The following PLXDC2 variants were observed in gnomAD, a reference collection of about 807,000 sequenced individuals.
The protein encoded by PLXDC2 is plexin domain-containing protein 2.
Under a neutral mutation model 68.9 loss-of-function variants are expected in PLXDC2, and 40 were observed. That is an observed-to-expected ratio of 0.58 (90% CI 0.45 to 0.76). The LOEUF (loss-of-function observed/expected upper bound fraction) is 0.76, where lower values mean the gene tolerates loss of function less well. Ranked by LOEUF, PLXDC2 falls within the 30% of genes least tolerant of loss-of-function variation. The pLI is 0.00. For synonymous variants in PLXDC2, 243 were observed against 234.2 expected (o/e 1.04, Z -0.34); for missense variants, 644 against 661.9 (o/e 0.97, Z 0.30).
intron 4 of PLXDC2, among the ~76,000 whole-genome samples, chr10:20,104,403 T>C (rs1032544367): frequency 1.3e-5 from 2 of 152,208 alleles, no homozygotes; most frequent in African/African-American, 4.8e-5. Context: ...CTACGTTCTT[T>C]AGGAATTTTC....
At chr10:19,998,661 A>G (rs571677964) in intron 1 of PLXDC2, among the ~76,000 whole-genome samples, 18 of 152,340 alleles carry the variant, frequency 1.2e-4, no homozygotes, top group African/African-American at 4.3e-4. Context: ...AAACACAATT[A>G]GAGCAAGCAA....
At chr10:19,940,445 T>C (rs1448037919) in intron 1 of PLXDC2, among the ~76,000 whole-genome samples, 1 of 152,134 alleles carries the variant, frequency 6.6e-6, no homozygotes, top group Non-Finnish European at 1.5e-5. Context: ...AAGTATTTTT[T>C]TGAATTATTT....
chr10:20,163,433 T>G (rs1404729267), intron 6 of PLXDC2, among the ~76,000 whole-genome samples: 3 of 152,094 alleles, frequency 2.0e-5, no homozygotes, highest in Non-Finnish European at 2.9e-5. Flanking sequence ...ATATATTCTC[T>G]CCCACTTATT....
chr10:20,205,756 A>G (rs1275214783), intron 9 of PLXDC2, among the ~76,000 whole-genome samples: 1 of 152,110 alleles, frequency 6.6e-6, no homozygotes, highest in African/African-American at 2.4e-5. Flanking sequence ...TTTACTAGAC[A>G]AATACTGAAC....
intron 4 of PLXDC2, among the ~76,000 whole-genome samples, chr10:20,072,527 G>C (rs1836348645): frequency 9.6e-6 from 1 of 104,532 alleles, no homozygotes; most frequent in African/African-American, 7.3e-5. Context: ...AAGAAAGAAA[G>C]AAAGAAAGAA....
At chr10:19,887,097 G>T (rs1837860894) in intron 1 of PLXDC2, among the ~76,000 whole-genome samples, 2 of 152,162 alleles carry the variant, frequency 1.3e-5, no homozygotes, top group Admixed American at 1.3e-4. Flanking sequence ...AAAACCACTA[G>T]TTAGGATATT....
chr10:19,916,128 T>G (rs1833361589), intron 1 of PLXDC2, among the ~76,000 whole-genome samples: 1 of 134,138 alleles, frequency 7.5e-6, no homozygotes, highest in South Asian at 2.2e-4. Flanking sequence ...GGAGTTGTGT[T>G]TTGTTTTGTT....
In PLXDC2 at chr10:19,839,010, A is replaced by AC. The variant is rs550210864; in HGVS notation, c.112+21823dup. Among the ~76,000 whole-genome samples the AC allele has an allele frequency of 2.8e-4, 42 of 152,114 alleles. No individual in the cohort carries two copies. In the East Asian group the frequency reaches 7.2e-3, roughly 26 times the overall value. ...AGACCAGCCTGGCCAACATGGTGAA[A>AC]CCCCGTCTGTAATAAAAATACAAAA... On this transcript the variant is annotated intron_variant, in intron 1 of 13. Transcript: ENST00000377252.
chr10:19,857,476 G>A (rs1299902567), intron 1 of PLXDC2, among the ~76,000 whole-genome samples: 1 of 152,122 alleles, frequency 6.6e-6, no homozygotes, highest in Admixed American at 6.6e-5. Flanking sequence ...TTTTAACCAA[G>A]AATTATTCAT....
At chr10:20,196,180 G>A (rs970245295) in intron 9 of PLXDC2, among the ~76,000 whole-genome samples, 23 of 151,996 alleles carry the variant, frequency 1.5e-4, no homozygotes, top group African/African-American at 4.8e-4. Context: ...TCTCAACTCC[G>A]TCCTACCAAG....
At chr10:19,937,917 G>A (rs1002431502) in intron 1 of PLXDC2, among the ~76,000 whole-genome samples, 3 of 152,088 alleles carry the variant, frequency 2.0e-5, no homozygotes, top group Non-Finnish European at 1.5e-5. Context: ...AGTTGGCTTG[G>A]TGTTGACTTT....
At chr10:20,034,177 C>G (rs561091020) in intron 2 of PLXDC2, among the ~76,000 whole-genome samples, 1 of 152,106 alleles carries the variant, frequency 6.6e-6, no homozygotes, top group East Asian at 1.9e-4. Flanking sequence ...TCCTCTTTAC[C>G]TGTCCTTCCT....
chr10:20,277,331 T>C lies in PLXDC2; in HGVS notation c.1474-2372T>C, dbSNP rs371920643. Among the ~76,000 whole-genome samples the C allele has an allele frequency of 3.9e-5, 6 of 152,010 alleles. No individual in the cohort carries two copies. In the South Asian group the frequency reaches 8.3e-4, roughly 21 times the overall value. ...TAGGGCCGATTTATATAGATTTCCC[T>C]TAAATATAGGAATTCTAAAAGTTAG... On this transcript the variant is annotated intron_variant, in intron 13 of 13. Transcript: ENST00000377252.
At chr10:19,872,025 G>A (rs145679764) in intron 1 of PLXDC2, among the ~76,000 whole-genome samples, 47 of 152,146 alleles carry the variant, frequency 3.1e-4, no homozygotes, top group African/African-American at 1.1e-3. Context: ...TGGCATGTTA[G>A]GCACTTAATA....
chr10:20,078,368 G>A (rs113268403), intron 4 of PLXDC2, among the ~76,000 whole-genome samples: 429 of 152,226 alleles, frequency 2.8e-3, no homozygotes, highest in African/African-American at 9.9e-3. Context: ...GAGTGACAGA[G>A]CAAGATCTTG....
At chr10:19,845,994 C>T (rs1057286209) in intron 1 of PLXDC2, among the ~76,000 whole-genome samples, 1 of 152,140 alleles carries the variant, frequency 6.6e-6, no homozygotes, top group Non-Finnish European at 1.5e-5. Context: ...ATCCCACCTC[C>T]TACCTCAGTA....
chr10:20,039,686 T>G (rs1337142019), intron 2 of PLXDC2, among the ~76,000 whole-genome samples: 1 of 152,190 alleles, frequency 6.6e-6, no homozygotes, highest in East Asian at 1.9e-4. Context: ...TTCACATATT[T>G]TCTAAAGCTT....
chr10:20,068,965 T>C (rs1836269376), intron 4 of PLXDC2, among the ~76,000 whole-genome samples: 1 of 152,060 alleles, frequency 6.6e-6, no homozygotes, highest in Non-Finnish European at 1.5e-5. Flanking sequence ...GGCTTTATGA[T>C]GCAGGGGTAG....
intron 12 of PLXDC2, among the ~76,000 whole-genome samples, chr10:20,235,118 T>C (rs1253878550): frequency 2.0e-5 from 3 of 152,212 alleles, no homozygotes; most frequent in Non-Finnish European, 4.4e-5. Context: ...AGCTACCGTT[T>C]GGGACAACAT....
Sources: gnomAD v4.1 joint callset for allele counts (sites outside exome capture counted in the v4.1 genomes callset) on GRCh38, gnomAD v4.1.1 for gene constraint, MANE v1.5 for transcripts, NCBI Gene and HGNC (gene_info 2026-07-23, HGNC 2026-07-21) for gene names.